Variants in PSG4 observed in about 807,000 individuals in gnomAD.
PSG4 encodes the protein pregnancy-specific beta-1-glycoprotein 4.
PSG4 carries 61 observed loss-of-function variants against 44.3 expected under a neutral mutation model. The ratio of observed to expected loss-of-function variants is 1.38; its 90% CI spans 1.12 to 1.70. The LOEUF is 1.70. Among genes scored for constraint, PSG4 ranks in the 40% most tolerant of loss-of-function variants. The pLI is 0.00. For missense variants in PSG4, 677 were observed against 511.7 expected, an observed-to-expected ratio of 1.32 and a Z score of -3.12; for synonymous variants, 248 against 191.3, an observed-to-expected ratio of 1.30 and a Z score of -2.45.
At chr19:43,202,261 T>A (rs146489738) in intron 2 of PSG4, among the ~76,000 whole-genome samples, 10,644 of 142,650 alleles carry the variant, frequency 0.075, 1,023 homozygotes, top group South Asian at 0.1. Flanking sequence ...GCAGTGAGGG[T>A]TACACTGACT....
At chr19:43,193,804 T>C in intron 5 of PSG4, 1 of 544,966 alleles carries the variant, frequency 1.8e-6, no homozygotes, top group Non-Finnish European at 3.3e-6. Context: ...TAACCAATGA[T>C]TTGAAATGTG....
chr19:43,201,712 C>A lies in PSG4; in HGVS notation c.430+2174G>T, dbSNP rs766113090. 2.0e-4 allele frequency among the ~76,000 whole-genome samples: 29 copies of A among 145,664 alleles called. 7 individuals carry two copies. The highest frequency in any genetic ancestry group is 5.8e-4 in the African/African-American group (22 of 38,060). ...TGTCCTTGAAAATCTCTAACCCCTG[C>A]TCCACTGGGGAGGCTGATTTGAGTA... is the stretch of plus-strand genomic sequence containing the variant. On this transcript the variant is annotated intron_variant, in intron 2 of 5. Transcript: ENST00000405312.
rs548465325 is a variant in PSG4, at chr19:43,205,253, G to A, written c.64+220C>T. Among the ~76,000 whole-genome samples the A allele has an allele frequency of 6.3e-5, 9 of 142,690 alleles. 1 individual carries two copies. Among genetic ancestry groups the A allele is most frequent in the Non-Finnish European group, 1.4e-4 (9 of 66,600 alleles). The allele number at this position is 142,690 out of a possible 152,430, so 93.6% of individuals were successfully genotyped here. On this transcript the variant is annotated intron_variant, in intron 1 of 5. Transcript: ENST00000405312. The stretch of plus-strand genomic sequence containing the variant: ...CTCCTGAGTAGCTATGATTACAGGA[G>A]CACACCACTATACCTGGTTAATTTT...
Position 43,198,519 on chromosome 19 carries a change from A to G in PSG4, c.431-244T>C, listed in dbSNP as rs573031854. 60 of 697,182 alleles carry G rather than the reference A, an allele frequency of 8.6e-5. 3 individuals carry two copies. In the Middle Eastern group the frequency reaches 1.3e-3, roughly 16 times the overall value. The allele number at this position is 697,182 out of a possible 1,614,324, so 43.2% of individuals were successfully genotyped here. A position where few individuals can be genotyped will look rare whatever the true frequency, so the allele number is the denominator to read the frequency against. ...GTGAATTGAGCAGCAGCATTGGGTC[A>G]TGGAAAGACACAGGACCAGCAGTCA... On this transcript the variant is annotated intron_variant, in intron 2 of 5. Coordinates refer to ENST00000405312, the MANE Select transcript of PSG4 (RefSeq NM_002780.5).
chr19:43,199,779 T>C lies in PSG4; in HGVS notation c.431-1504A>G, dbSNP rs1180425035. ...CATAAGTGGAAACTTTTACTGATGA[T>C]CCAGACATCGAAGATCAATTGCTGG... On this transcript the variant is annotated intron_variant, in intron 2 of 5. Transcript: ENST00000405312. 1.4e-5 allele frequency among the ~76,000 whole-genome samples: 2 copies of C among 145,848 alleles called. 1 individual carries two copies. The highest frequency in any genetic ancestry group is 5.2e-5 in the African/African-American group (2 of 38,102).
rs1967397136 is a variant in PSG4, at chr19:43,199,227, CT to C, written c.431-953del. ...ACTTTCTCTCATTAGACATTCTACT[CT>C]CTGATTCTGAGTTTGACTACTCTAT... On this transcript the variant is annotated intron_variant, in intron 2 of 5. Coordinates refer to ENST00000405312, the MANE Select transcript of PSG4 (RefSeq NM_002780.5). Among the ~76,000 whole-genome samples, 2 of 145,518 alleles carry C rather than the reference CT, an allele frequency of 1.4e-5. 1 individual carries two copies. Among genetic ancestry groups the C allele is most frequent in the African/African-American group, 5.3e-5 (2 of 37,916 alleles).
At chr19:43,204,361 C>T in intron 1 of PSG4, 110 bp from the exon 2 acceptor site, 3 of 1,283,080 alleles carry the variant, frequency 2.3e-6, no homozygotes, top group Middle Eastern at 2.2e-4. Flanking sequence ...CACAAACACA[C>T]ACATACAAAC....
Position 43,203,883 on chromosome 19 carries a change from C to A in PSG4, c.430+3G>T. ...CACCCAGGGATCATGTGGAATCACT[C>A]ACGGTGTAAGGTGAAGGTGAAATGT... On this transcript the variant is annotated splice_donor_region_variant and intron_variant, in intron 2 of 5. Coordinates refer to ENST00000405312, the MANE Select transcript of PSG4 (RefSeq NM_002780.5). 1.3e-6 allele frequency: 2 copies of A among 1,576,204 alleles called. 1 individual carries two copies. Among genetic ancestry groups the A allele is most frequent in the Non-Finnish European group, 1.7e-6 (2 of 1,166,664 alleles).
intron 5 of PSG4, chr19:43,194,093 C>A: frequency 1.6e-6 from 2 of 1,243,186 alleles, no homozygotes; most frequent in African/African-American, 1.5e-5. Flanking sequence ...TCAATATTGT[C>A]AATTATTTCA....
In PSG4 at chr19:43,198,262, C is replaced by G. The variant is rs756814499; in HGVS notation, c.444G>C (p.Lys148Asn). 2.5e-6 allele frequency: 4 copies of G among 1,586,470 alleles called. No homozygotes were observed. Among genetic ancestry groups the G allele is most frequent in the Non-Finnish European group, 3.4e-6 (4 of 1,171,416 alleles). The change falls in exon 3 of 6, where the codon AAG becomes AAC. Residue 148 changes from lysine to asparagine, a missense_variant. By Grantham distance (94) the Lys-to-Asn change is moderately conservative. Coordinates refer to ENST00000405312, the MANE Select transcript of PSG4 (RefSeq NM_002780.5). The part of the protein sequence containing the change: ...FTFTLHLETP[K>N]PSISSSNLNP... ...TTAAGTTGCTGCTGGAGATGGAGGG[C>G]TTGGGAGTCTCCACTGTGCAGAAAA...
chr19:43,193,273 C>G lies in PSG4; in HGVS notation c.*99G>C. The G allele has an allele frequency of 2.6e-6, 2 of 768,086 alleles. No homozygotes were observed. Among genetic ancestry groups the G allele is most frequent in the East Asian group, 2.4e-5 (1 of 41,194 alleles). 47.6% of individuals were successfully genotyped at this position (768,086 alleles called of 1,614,324 possible). ...AAGGGTTTTCCCATGAAATTTACAT[C>G]GAGTTGTCCACCTCCAGCTTATAGG... On this transcript the variant is annotated 3_prime_UTR_variant, in exon 6 of 6. Coordinates refer to ENST00000405312, the MANE Select transcript of PSG4 (RefSeq NM_002780.5).
Position 43,201,276 on chromosome 19 carries a change from C to A in PSG4, c.430+2610G>T, listed in dbSNP as rs998211371. Among the ~76,000 whole-genome samples the A allele has an allele frequency of 2.7e-5, 4 of 145,588 alleles. 1 individual carries two copies. Among genetic ancestry groups the A allele is most frequent in the South Asian group, 2.2e-4 (1 of 4,644 alleles). ...TAATAGTTCCTCCATAAAACTAACA[C>A]CCTTACTTTGCCCAGGGACGGCCTT... On this transcript the variant is annotated intron_variant, in intron 2 of 5. Coordinates refer to ENST00000405312, the MANE Select transcript of PSG4 (RefSeq NM_002780.5).
chr19:43,197,130 T>A (rs1316685615), intron 3 of PSG4, among the ~76,000 whole-genome samples: 1 of 145,888 alleles, frequency 6.9e-6, no homozygotes, highest in Non-Finnish European at 1.5e-5. Context: ...TAATTTCCTT[T>A]CAGATTGTTC....
At chr19:43,196,657 T>G (rs1334172926) in intron 3 of PSG4, 1 of 151,414 alleles carries the variant, frequency 6.6e-6, no homozygotes, top group Non-Finnish European at 1.5e-5. Context: ...GTTTCTAGCT[T>G]GATGATTAGT....
intron 5 of PSG4, 57 bp from the exon 6 acceptor site, chr19:43,193,445 G>C (rs1303189955): frequency 1.3e-6 from 1 of 765,340 alleles, no homozygotes; most frequent in East Asian, 2.4e-5. Context: ...TCTCATAACC[G>C]GTGTACTACA....
At position 43,195,062 on chromosome 19, in the gene PSG4, A is replaced by G. The variant is rs545983733; in HGVS notation, c.921T>C (p.Pro307=). ...ATCGGTCCCGTATTTCACATTGATA[A>G]GGTCCTGTTTCATTTCTCGTGACAT... is the stretch of plus-strand genomic sequence containing the variant. ...LPNVTRNETG[P]YQCEIRDRYG... Residue 307 remains proline, a synonymous_variant, in exon 4 of 6, where the codon CCT becomes CCC. Transcript: ENST00000405312. The G allele has an allele frequency of 7.7e-5, 124 of 1,611,746 alleles. 2 individuals carry two copies. In the East Asian group the frequency reaches 1.3e-3, roughly 17 times the overall value.
chr19:43,200,194 G>C (rs1035777729), intron 2 of PSG4, among the ~76,000 whole-genome samples: 4 of 144,818 alleles, frequency 2.8e-5, no homozygotes, highest in Admixed American at 2.1e-4. Flanking sequence ...CCAATGGCTC[G>C]TGTGTCTGCC....
rs993128948 is a variant in PSG4, at chr19:43,193,049, A to G, written c.*323T>C. 1 of 586,146 alleles carries G rather than the reference A, an allele frequency of 1.7e-6. No homozygotes were observed. The highest frequency in any genetic ancestry group is 3.0e-6 in the Non-Finnish European group (1 of 329,398). The allele number at this position is 586,146 out of a possible 1,614,324, so 36.3% of individuals were successfully genotyped here. ...TTCTAATGACTGCATTATCCTGCCA[A>G]GTGAAAGAGGCAGGCATGAGCAAGG... is the stretch of plus-strand genomic sequence containing the variant. On this transcript the variant is annotated 3_prime_UTR_variant, in exon 6 of 6. Coordinates refer to ENST00000405312, the MANE Select transcript of PSG4 (RefSeq NM_002780.5).
At position 43,192,909 on chromosome 19, in the gene PSG4, C is replaced by G. The variant is rs1355871094; in HGVS notation, c.*463G>C. 8.3e-6 allele frequency: 3 copies of G among 361,690 alleles called. No homozygotes were observed. Among genetic ancestry groups the G allele is most frequent in the South Asian group, 5.3e-5 (1 of 18,916 alleles). The allele number at this position is 361,690 out of a possible 1,614,324, so 22.4% of individuals were successfully genotyped here. ...CTCTGTGTTCATTTCTATTGGGAGC[C>G]CTGTATGCAAGATGGAGAGAGCCAC... is the stretch of plus-strand genomic sequence containing the variant. On this transcript the variant is annotated 3_prime_UTR_variant, in exon 6 of 6. Transcript: ENST00000405312.
Sources: allele counts gnomAD v4.1 joint callset (sites outside exome capture counted in the v4.1 genomes callset), GRCh38; gene constraint gnomAD v4.1.1; transcripts MANE v1.5; gene names NCBI Gene and HGNC (gene_info 2026-07-23, HGNC 2026-07-21).